DNM3: variants seen among roughly 807,000 people sequenced by gnomAD.
DNM3 encodes dynamin-3.
Under a neutral mutation model 101.6 loss-of-function variants are expected in DNM3, and 47 were observed. The observed-to-expected ratio is 0.46, with a 90% CI of 0.37 to 0.59. DNM3 has a LOEUF of 0.59. Among genes scored for constraint, DNM3 ranks in the 20% least tolerant of loss-of-function variants. The probability of loss-of-function intolerance (pLI) is 0.00; values close to 1 mark genes in which losing one functional copy is unlikely to be tolerated. For missense variants in DNM3, 849 were observed against 1,085.7 expected, an observed-to-expected ratio of 0.78 and a Z score of 3.06; for synonymous variants, 385 against 387.9, an observed-to-expected ratio of 0.99 and a Z score of 0.09.
At chr1:171,975,499 C>T (rs192283483) in intron 2 of DNM3, among the ~76,000 whole-genome samples, 3 of 152,072 alleles carry the variant, frequency 2.0e-5, no homozygotes, top group Non-Finnish European at 2.9e-5. Context: ...ATTAGTAAAG[C>T]GTTTAGAATA....
intron 1 of DNM3, among the ~76,000 whole-genome samples, chr1:171,850,660 C>T (rs757129568): frequency 6.6e-5 from 10 of 152,084 alleles, no homozygotes; most frequent in Admixed American, 1.3e-4. Flanking sequence ...ACTTAAGAAA[C>T]TTTAGCCTGT....
intron 15 of DNM3, among the ~76,000 whole-genome samples, chr1:172,301,455 C>G (rs1299880079): frequency 6.6e-6 from 1 of 152,112 alleles, no homozygotes; most frequent in Non-Finnish European, 1.5e-5. Flanking sequence ...TGAGCTATGA[C>G]TGTGCCACTG....
At chr1:172,272,407 G>A (rs2063123043) in intron 15 of DNM3, among the ~76,000 whole-genome samples, 1 of 152,090 alleles carries the variant, frequency 6.6e-6, no homozygotes, top group East Asian at 1.9e-4. Flanking sequence ...TAGCAGTGAA[G>A]GCTACAATGA....
intron 14 of DNM3, among the ~76,000 whole-genome samples, chr1:172,141,914 C>T (rs1486636504): frequency 1.3e-5 from 2 of 152,016 alleles, no homozygotes; most frequent in African/African-American, 2.4e-5. Context: ...TTAGATTGAT[C>T]CTTTTCCAGT....
chr1:172,212,578 G>A (rs754122836), intron 14 of DNM3, among the ~76,000 whole-genome samples: 6 of 152,086 alleles, frequency 3.9e-5, no homozygotes. Flanking sequence ...ATCTTATGGT[G>A]CACAGTCACC....
intron 15 of DNM3, among the ~76,000 whole-genome samples, chr1:172,287,585 G>A (rs12095362): frequency 0.012 from 1,860 of 151,472 alleles, 36 homozygotes; most frequent in African/African-American, 0.042. Context: ...ATTATCATTT[G>A]CTCTTTGCTA....
intron 13 of DNM3, among the ~76,000 whole-genome samples, chr1:172,110,871 A>G (rs1018461625): frequency 6.6e-6 from 1 of 152,162 alleles, no homozygotes; most frequent in African/African-American, 2.4e-5. Flanking sequence ...TCCTGTCTCT[A>G]CGAAAGATAC....
chr1:172,099,550 A>C (rs1375643467), intron 13 of DNM3, among the ~76,000 whole-genome samples: 1 of 151,548 alleles, frequency 6.6e-6, no homozygotes, highest in African/African-American at 2.4e-5. Flanking sequence ...AGAAAAATAT[A>C]CTCTGAGCTT....
intron 11 of DNM3, among the ~76,000 whole-genome samples, chr1:172,073,353 A>G (rs376750640): frequency 2.6e-5 from 4 of 152,106 alleles, no homozygotes; most frequent in Non-Finnish European, 4.4e-5. Flanking sequence ...TTGAACATAT[A>G]TGCATATGTG....
intron 10 of DNM3, 53 bp from the exon 11 acceptor site, chr1:172,068,766 T>G (rs1266935730): frequency 2.1e-6 from 3 of 1,415,292 alleles, no homozygotes; most frequent in Non-Finnish European, 2.9e-6. Flanking sequence ...CTGCTTCTTT[T>G]TTGGTAGTGT....
chr1:172,000,047 T>A (rs181600649), intron 4 of DNM3, among the ~76,000 whole-genome samples: 38 of 152,184 alleles, frequency 2.5e-4, no homozygotes, highest in Admixed American at 1.9e-3. Flanking sequence ...AGGGAATTAA[T>A]TCAGGTGGTG....
chr1:172,413,375 C>G (rs1182333281), downstream of DNM3, among the ~76,000 whole-genome samples: 1 of 152,088 alleles, frequency 6.6e-6, no homozygotes, highest in African/African-American at 2.4e-5. Flanking sequence ...TACAGGCGCC[C>G]GCCACCACGC....
At chr1:172,358,789 G>A (rs1434576522) in intron 17 of DNM3, among the ~76,000 whole-genome samples, 2 of 151,912 alleles carry the variant, frequency 1.3e-5, no homozygotes, top group Non-Finnish European at 2.9e-5. Context: ...GTTGCCACTG[G>A]TAATTCTTTT....
At chr1:172,219,262 TG>T (rs1279457354) in intron 14 of DNM3, among the ~76,000 whole-genome samples, 1 of 150,778 alleles carries the variant, frequency 6.6e-6, no homozygotes, top group Non-Finnish European at 1.5e-5. Flanking sequence ...TTCAGGAAGC[TG>T]ATGTGAGAAG....
intron 10 of DNM3, among the ~76,000 whole-genome samples, chr1:172,050,449 T>A (rs530000723): frequency 7.3e-6 from 1 of 137,252 alleles, no homozygotes; most frequent in Non-Finnish European, 1.7e-5. Flanking sequence ...TTGCACTTAT[T>A]TTAATAATAT....
chr1:172,298,701 T>A (rs1381878868), intron 15 of DNM3, among the ~76,000 whole-genome samples: 2 of 151,980 alleles, frequency 1.3e-5, no homozygotes, highest in Non-Finnish European at 2.9e-5. Context: ...CTTCCCGGAA[T>A]CCCCAGGGGA....
At chr1:172,247,609 G>A (rs1004758497) in intron 14 of DNM3, among the ~76,000 whole-genome samples, 12 of 151,106 alleles carry the variant, frequency 7.9e-5, no homozygotes, top group East Asian at 7.8e-4. Flanking sequence ...TGCCATTAGC[G>A]GCTTTTTCGT....
chr1:172,237,903 C>A (rs566807668), intron 14 of DNM3, among the ~76,000 whole-genome samples: 18 of 152,128 alleles, frequency 1.2e-4, no homozygotes, highest in African/African-American at 4.1e-4. Flanking sequence ...TGGAGACTGG[C>A]GTTCTCAGGC....
rs185654807 is a variant in DNM3, at chr1:172,321,409, T to A, written c.1882-1920T>A. Among the ~76,000 whole-genome samples, 99 of 152,328 alleles carry A rather than the reference T, an allele frequency of 6.5e-4. 1 individual carries two copies. The highest frequency in any genetic ancestry group is 3.1e-3 in the Admixed American group (48 of 15,294). On this transcript the variant is annotated intron_variant, in intron 16 of 20. Transcript: ENST00000627582. ...GCTACATGGCCAATTCTGAAGAGTCTTAGTTTTTCTTCAATGAAGTGCTTT... is the reference window on the plus strand; with the variant it reads ...GCTACATGGCCAATTCTGAAGAGTCATAGTTTTTCTTCAATGAAGTGCTTT...
Sources: gnomAD v4.1 joint callset for allele counts (sites outside exome capture counted in the v4.1 genomes callset) on GRCh38, gnomAD v4.1.1 for gene constraint, MANE v1.5 for transcripts, NCBI Gene and HGNC (gene_info 2026-07-23, HGNC 2026-07-21) for gene names.